Variants in TMIGD1 observed in about 807,000 individuals in gnomAD.
TMIGD1 encodes the protein transmembrane and immunoglobulin domain-containing protein 1.
Under a neutral mutation model 27.5 loss-of-function variants are expected in TMIGD1, and 29 were observed. The observed-to-expected ratio is 1.05, with a 90% confidence interval of 0.78 to 1.44. The LOEUF (loss-of-function observed/expected upper bound fraction) is 1.44, where lower values mean the gene tolerates loss of function less well. TMIGD1 is among the 40% of genes most tolerant of loss of function. The probability of loss-of-function intolerance (pLI) is 0.00; values close to 1 mark genes in which losing one functional copy is unlikely to be tolerated. For missense variants in TMIGD1, 334 were observed against 310.6 expected (o/e 1.08, Z -0.57); for synonymous variants, 109 against 110.3 (o/e 0.99, Z 0.07).
intron 1 of TMIGD1, 51 bp from the exon 2 acceptor site, chr17:30,332,209 C>T (rs1423956580): frequency 2.8e-6 from 3 of 1,071,934 alleles, no homozygotes; most frequent in Non-Finnish European, 4.2e-6. Flanking sequence ...GCAATGAGTT[C>T]GTGAACCTTC....
rs753260600 is a variant in TMIGD1, at chr17:30,329,244, C to T, written c.361+7G>A. On this transcript the variant is annotated splice_region_variant and intron_variant, in intron 3 of 6. Coordinates refer to ENST00000328886, the MANE Select transcript of TMIGD1 (RefSeq NM_206832.3). Reference sequence around the variant, plus strand: ...ACCCACTAGCTGTTTCTTTTCCCCTCACTCACAAGTAACATTCAGCACCAC... The same window carrying T: ...ACCCACTAGCTGTTTCTTTTCCCCTTACTCACAAGTAACATTCAGCACCAC... The T allele has an allele frequency of 1.9e-6, 3 of 1,610,230 alleles. No homozygotes were observed. In the South Asian group the frequency reaches 3.3e-5, roughly 18 times the overall value.
At chr17:30,327,276 GC>G (rs1428879056) in intron 3 of TMIGD1, among the ~76,000 whole-genome samples, 1 of 152,124 alleles carries the variant, frequency 6.6e-6, no homozygotes, top group Non-Finnish European at 1.5e-5. Flanking sequence ...AATCAGCTCG[GC>G]CTGGTGGTGC....
At chr17:30,329,006 AAAAAGAAAAGAAAAGAG>A (rs1909882176) in intron 3 of TMIGD1, among the ~76,000 whole-genome samples, 1 of 147,450 alleles carries the variant, frequency 6.8e-6, no homozygotes, top group Admixed American at 7.0e-5. Flanking sequence ...AAGAAAAAGA[AAAAAGAAAAGAAAAGAG>A]AAAAGAAAAA....
chr17:30,329,225 T>C, intron 3 of TMIGD1, 26 bp downstream of exon 3: 2 of 1,607,392 alleles, frequency 1.2e-6, no homozygotes, highest in Non-Finnish European at 1.7e-6. Flanking sequence ...ACAGACCCAC[T>C]AGCTGTTTCT....
At chr17:30,324,612 G>C (rs1909714249) in intron 4 of TMIGD1, among the ~76,000 whole-genome samples, 1 of 152,218 alleles carries the variant, frequency 6.6e-6, no homozygotes, top group African/African-American at 2.4e-5. Context: ...TCAAAAAACA[G>C]TGTCCTGTAT....
chr17:30,317,744 A>C (rs1021469774), intron 5 of TMIGD1, among the ~76,000 whole-genome samples: 2 of 149,948 alleles, frequency 1.3e-5, no homozygotes, highest in African/African-American at 2.5e-5. Context: ...AGGGTGACAG[A>C]GCAAGAATCC....
At chr17:30,325,886 C>T (rs1041437907) in intron 3 of TMIGD1, among the ~76,000 whole-genome samples, 1 of 151,456 alleles carries the variant, frequency 6.6e-6, no homozygotes, top group Non-Finnish European at 1.5e-5. Flanking sequence ...CTCCTTTTTT[C>T]CTCTACAATA....
intron 1 of TMIGD1, 77 bp from the exon 2 acceptor site, chr17:30,332,235 C>A: frequency 1.3e-6 from 1 of 781,454 alleles, no homozygotes. Context: ...GTCTATTATG[C>A]ATTTAAAGTG....
intron 6 of TMIGD1, chr17:30,316,982 C>G (rs1909435447): frequency 3.2e-6 from 2 of 633,444 alleles, no homozygotes; most frequent in Non-Finnish European, 5.6e-6. Flanking sequence ...AAAGAGGGAG[C>G]AGGCTTAGGA....
chr17:30,332,257 G>A, intron 1 of TMIGD1, 99 bp from the exon 2 acceptor site: 1 of 637,442 alleles, frequency 1.6e-6, no homozygotes, highest in East Asian at 2.9e-5. Context: ...AGTCCCAGAT[G>A]AATCATCCCA....
rs185226521 is a variant in TMIGD1, at chr17:30,318,498, C to T, written c.744+312G>A. Among the ~76,000 whole-genome samples the T allele has an allele frequency of 2.0e-5, 3 of 152,256 alleles. No individual in the cohort carries two copies. In the East Asian group the frequency reaches 5.8e-4, roughly 29 times the overall value. On this transcript the variant is annotated intron_variant, in intron 5 of 6. Transcript: ENST00000328886. Reference sequence around the variant, plus strand: ...TTCCTCCCTATATTTATTTATTATACCACAGGTATCATAGCAACAATAAAG... The same window carrying T: ...TTCCTCCCTATATTTATTTATTATATCACAGGTATCATAGCAACAATAAAG...
chr17:30,319,030 A>C, intron 4 of TMIGD1, 117 bp from the exon 5 acceptor site: 3 of 728,378 alleles, frequency 4.1e-6, no homozygotes, highest in Non-Finnish European at 7.1e-6. Flanking sequence ...CTTCTCAACA[A>C]TCTCAAAAAG....
chr17:30,319,069 G>A (rs1909517973), intron 4 of TMIGD1, among the ~76,000 whole-genome samples, 156 bp from the exon 5 acceptor site: 1 of 151,068 alleles, frequency 6.6e-6, no homozygotes, highest in Non-Finnish European at 1.5e-5. Context: ...TTTCACAGGT[G>A]AGGAACCAGG....
intron 3 of TMIGD1, among the ~76,000 whole-genome samples, chr17:30,325,677 T>A (rs1471609303): frequency 1.3e-5 from 2 of 152,208 alleles, no homozygotes; most frequent in Non-Finnish European, 2.9e-5. Context: ...ACGGTGGTGG[T>A]GGTTTTGAGG....
chr17:30,319,261 A>AAAAAAAAAAAATATATATATATATAT, intron 4 of TMIGD1, among the ~76,000 whole-genome samples: 18 of 69,022 alleles, frequency 2.6e-4, no homozygotes, highest in Non-Finnish European at 4.5e-4. Flanking sequence ...AAAAAAAAAA[A>AAAAAAAAAAAATATATATATATATAT]ATATATATAT....
chr17:30,323,232 C>T (rs1262183528), intron 4 of TMIGD1, among the ~76,000 whole-genome samples: 1 of 152,046 alleles, frequency 6.6e-6, no homozygotes, highest in Non-Finnish European at 1.5e-5. Context: ...CATAACTGCC[C>T]CTCTCCCCTT....
rs188396664 is a variant in TMIGD1 at position 30,323,614 on chromosome 17, T to A, written c.640+1202A>T. On this transcript the variant is annotated intron_variant, in intron 4 of 6. Coordinates refer to ENST00000328886, the MANE Select transcript of TMIGD1 (RefSeq NM_206832.3). ...ATCCTGATTGCCACATAAGCTGTAC[T>A]TTTTTTTAATGTGACACAGAGCAAT... 8.6e-4 allele frequency among the ~76,000 whole-genome samples: 131 copies of A among 152,178 alleles called. 2 individuals are homozygous for A. The highest frequency in any genetic ancestry group is 1.7e-3 in the Non-Finnish European group (119 of 68,004).
chr17:30,333,983 A>G lies in TMIGD1; in HGVS notation c.-26+17T>C, dbSNP rs1910067102. 1 of 152,292 alleles carries G rather than the reference A, an allele frequency of 6.6e-6. No individual in the cohort carries two copies. Among genetic ancestry groups the G allele is most frequent in the South Asian group, 2.1e-4 (1 of 4,828 alleles). The allele number at this position is 152,292 out of a possible 1,614,324, so 9.4% of individuals were successfully genotyped here. A position where few individuals can be genotyped will look rare whatever the true frequency, so the allele number is the denominator to read the frequency against. On this transcript the variant is annotated intron_variant, in intron 1 of 6. Coordinates refer to ENST00000328886, the MANE Select transcript of TMIGD1 (RefSeq NM_206832.3). Reference sequence around the variant, plus strand: ...TATGACTCTCTACTTTCTATATAAGACAGTCTTACCACTTACCTCTTGAGC... The same window carrying G: ...TATGACTCTCTACTTTCTATATAAGGCAGTCTTACCACTTACCTCTTGAGC...
intron 6 of TMIGD1, 109 bp downstream of exon 6, chr17:30,317,084 C>T: frequency 7.9e-7 from 1 of 1,268,832 alleles, no homozygotes; most frequent in Non-Finnish European, 1.2e-6. Flanking sequence ...TCCTTTGAAC[C>T]CCTTCCCCTT....
Sources: allele counts gnomAD v4.1 joint callset (sites outside exome capture counted in the v4.1 genomes callset), GRCh38; gene constraint gnomAD v4.1.1; transcripts MANE v1.5; gene names NCBI Gene and HGNC (gene_info 2026-07-23, HGNC 2026-07-21).